PAK1: variants seen among roughly 807,000 people sequenced by gnomAD.
The protein encoded by PAK1 is p21 (RAC1) activated kinase 1.
A neutral mutation model predicts 67.4 loss-of-function variants in PAK1; 29 were observed. The observed-to-expected ratio is 0.43, with a 90% confidence interval of 0.32 to 0.59. PAK1 has a LOEUF of 0.59. Ranked by LOEUF, PAK1 falls within the 20% of genes least tolerant of loss-of-function variation. The pLI is 0.07. For synonymous variants in PAK1, 223 were observed against 237.4 expected, an observed-to-expected ratio of 0.94 and a Z score of 0.56; for missense variants, 337 against 670.7, an observed-to-expected ratio of 0.50 and a Z score of 5.50.
chr11:77,351,193 A>G (rs984517263), intron 8 of PAK1, among the ~76,000 whole-genome samples: 2 of 152,212 alleles, frequency 1.3e-5, no homozygotes, highest in African/African-American at 4.8e-5. Flanking sequence ...AAACATCAGC[A>G]TAAGTGCTTA....
intron 1 of PAK1, among the ~76,000 whole-genome samples, chr11:77,407,566 T>C (rs1953789726): frequency 1.3e-5 from 2 of 152,140 alleles, no homozygotes; most frequent in East Asian, 1.9e-4. Context: ...CACAATGATA[T>C]CTATATAGCA....
intron 1 of PAK1, among the ~76,000 whole-genome samples, chr11:77,468,956 A>C (rs1297813715): frequency 6.6e-6 from 1 of 152,168 alleles, no homozygotes; most frequent in Non-Finnish European, 1.5e-5. Context: ...TGTTACGAAG[A>C]TTGAACAAAA....
At chr11:77,326,697 C>G (rs1041280139) in intron 14 of PAK1, among the ~76,000 whole-genome samples, 1 of 152,010 alleles carries the variant, frequency 6.6e-6, no homozygotes, top group Non-Finnish European at 1.5e-5. Flanking sequence ...AAAAACAGAG[C>G]AGAAAAACTG....
At chr11:77,403,228 C>T (rs1358184101) in intron 1 of PAK1, among the ~76,000 whole-genome samples, 2 of 152,170 alleles carry the variant, frequency 1.3e-5, no homozygotes, top group Non-Finnish European at 2.9e-5. Flanking sequence ...TATCGCACAT[C>T]TTTGCAGACT....
At chr11:77,516,269 G>A in the PAK1 span, among the ~76,000 whole-genome samples, 1 of 152,278 alleles carries the variant, frequency 6.6e-6, no homozygotes, top group African/African-American at 2.4e-5. Context: ...CTCCAGCATT[G>A]AACCTTAGGT....
the PAK1 span, among the ~76,000 whole-genome samples, chr11:77,495,372 G>T: frequency 1.3e-5 from 2 of 151,878 alleles, no homozygotes; most frequent in Admixed American, 6.6e-5. Flanking sequence ...TACTCAAGAG[G>T]CTGAGGCAGG....
the PAK1 span, among the ~76,000 whole-genome samples, chr11:77,527,333 G>A: frequency 6.6e-6 from 1 of 152,084 alleles, no homozygotes; most frequent in South Asian, 2.1e-4. Flanking sequence ...TAACTCCTAA[G>A]CTCAAGTAAT....
the PAK1 span, among the ~76,000 whole-genome samples, chr11:77,520,545 C>T: frequency 6.6e-6 from 1 of 152,274 alleles, no homozygotes; most frequent in Non-Finnish European, 1.5e-5. Context: ...CTCTTGCCAG[C>T]ATGTCAGGCT....
chr11:77,520,935 G>A, the PAK1 span, among the ~76,000 whole-genome samples: 1 of 152,186 alleles, frequency 6.6e-6, no homozygotes, highest in East Asian at 1.9e-4. Context: ...ACCCATGGGT[G>A]TTGAAGTGGC....
chr11:77,332,640 A>G (rs1320221729), intron 14 of PAK1, 90 bp downstream of exon 14: 5 of 1,022,776 alleles, frequency 4.9e-6, no homozygotes, highest in East Asian at 2.4e-5. Flanking sequence ...GCCTAGTTCT[A>G]TAATATCCAG....
chr11:77,471,877 C>A (rs551023238), intron 1 of PAK1, among the ~76,000 whole-genome samples: 1 of 152,238 alleles, frequency 6.6e-6, no homozygotes, highest in South Asian at 2.1e-4. Context: ...AAGCTTTTTA[C>A]CAAATGCCCT....
the PAK1 span, among the ~76,000 whole-genome samples, chr11:77,509,140 C>A: frequency 1.3e-5 from 2 of 151,758 alleles, no homozygotes; most frequent in South Asian, 2.1e-4. Context: ...GGCCTGTAGT[C>A]CCAGCTACTC....
chr11:77,436,574 G>C (rs1956139826), intron 1 of PAK1, among the ~76,000 whole-genome samples: 1 of 152,184 alleles, frequency 6.6e-6, no homozygotes, highest in Non-Finnish European at 1.5e-5. Flanking sequence ...CTGGAATACT[G>C]TGAACAAAAC....
intron 14 of PAK1, 59 bp downstream of exon 14, chr11:77,332,669 TAA>T: frequency 1.4e-6 from 2 of 1,416,786 alleles, no homozygotes; most frequent in Non-Finnish European, 2.0e-6. Flanking sequence ...AAACATGAAG[TAA>T]AAAAGGCCTG....
chr11:77,322,929 G>C lies in PAK1; in HGVS notation c.*345C>G. On this transcript the variant is annotated 3_prime_UTR_variant, in exon 15 of 15. Coordinates refer to ENST00000356341, the MANE Select transcript of PAK1 (RefSeq NM_002576.5). Reference sequence around the variant, plus strand: ...TATTATCAAACCATAAATTTATATAGTCAAGAATTAATTGTGGGAGATGGT... The same window carrying C: ...TATTATCAAACCATAAATTTATATACTCAAGAATTAATTGTGGGAGATGGT... 1.7e-6 allele frequency: 1 copy of C among 580,254 alleles called. No individual in the cohort carries two copies. Among genetic ancestry groups the C allele is most frequent in the South Asian group, 2.3e-5 (1 of 44,240 alleles). 35.9% of individuals were successfully genotyped at this position (580,254 alleles called of 1,614,324 possible).
chr11:77,467,994 A>G (rs1957675954), intron 1 of PAK1, among the ~76,000 whole-genome samples: 1 of 152,212 alleles, frequency 6.6e-6, no homozygotes, highest in Non-Finnish European at 1.5e-5. Flanking sequence ...TTAAAGATAT[A>G]GGCAGGCAGA....
chr11:77,445,919 C>T (rs565340857), intron 1 of PAK1, among the ~76,000 whole-genome samples: 1 of 152,282 alleles, frequency 6.6e-6, no homozygotes, highest in African/African-American at 2.4e-5. Context: ...CACCCCACCC[C>T]CACTATACAA....
the PAK1 span, among the ~76,000 whole-genome samples, chr11:77,496,117 C>G: frequency 2.0e-5 from 3 of 151,166 alleles, no homozygotes; most frequent in South Asian, 6.3e-4. Flanking sequence ...TTCCCAGGTT[C>G]AAGTAATTCT....
intron 1 of PAK1, among the ~76,000 whole-genome samples, chr11:77,420,935 C>G (rs144964025): frequency 3.2e-4 from 48 of 152,342 alleles, no homozygotes; most frequent in Admixed American, 9.1e-4. Context: ...AATAGCGCCA[C>G]TGTTGGGAAA....
Sources: gnomAD v4.1 joint callset for allele counts (sites outside exome capture counted in the v4.1 genomes callset) on GRCh38, gnomAD v4.1.1 for gene constraint, MANE v1.5 for transcripts, NCBI Gene and HGNC (gene_info 2026-07-23, HGNC 2026-07-21) for gene names.